Variants in STAG1 observed in about 807,000 individuals in gnomAD.
The protein encoded by STAG1 is STAG1 cohesin complex component.
In STAG1, 26 loss-of-function variants were observed where a neutral mutation model predicts 170.9. The ratio of observed to expected loss-of-function variants is 0.15; its 90% CI spans 0.11 to 0.21. The LOEUF is 0.21. Among genes scored for constraint, STAG1 ranks in the 10% least tolerant of loss-of-function variants. STAG1 has a pLI of 1.00. For synonymous variants in STAG1, 514 were observed against 497.7 expected, an observed-to-expected ratio of 1.03 and a Z score of -0.44; for missense variants, 964 against 1,509.5, an observed-to-expected ratio of 0.64 and a Z score of 5.99.
intron 14 of STAG1, among the ~76,000 whole-genome samples, chr3:136,450,917 T>C (rs2088917631): frequency 6.6e-6 from 1 of 152,124 alleles, no homozygotes; most frequent in South Asian, 2.1e-4. Context: ...CAGCTAATTT[T>C]TTTCTATTTT....
At chr3:136,400,599 T>C (rs1255355513) in intron 21 of STAG1, among the ~76,000 whole-genome samples, 1 of 151,434 alleles carries the variant, frequency 6.6e-6, no homozygotes. Flanking sequence ...GCAATGGCAC[T>C]GTCTCGGCTC....
intron 26 of STAG1, among the ~76,000 whole-genome samples, chr3:136,359,780 A>G (rs904939325): frequency 6.6e-6 from 1 of 152,222 alleles, no homozygotes; most frequent in African/African-American, 2.4e-5. Flanking sequence ...AAATGCTGGG[A>G]TTACAGGCGT....
chr3:136,558,383 C>T (rs1936707203), intron 5 of STAG1, among the ~76,000 whole-genome samples: 1 of 152,136 alleles, frequency 6.6e-6, no homozygotes, highest in Non-Finnish European at 1.5e-5. Flanking sequence ...CAGAGTAAAA[C>T]TTATGTCTCA....
At chr3:136,342,328 T>G (rs1350117512) in intron 30 of STAG1, among the ~76,000 whole-genome samples, 2 of 151,888 alleles carry the variant, frequency 1.3e-5, no homozygotes, top group Non-Finnish European at 2.9e-5. Context: ...CAGGAATTTT[T>G]TTTTTTTAAG....
intron 5 of STAG1, among the ~76,000 whole-genome samples, chr3:136,551,249 GAGAGAGAGA>G: frequency 6.8e-6 from 1 of 146,738 alleles, no homozygotes. Flanking sequence ...GAGAGAGAGA[GAGAGAGAGA>G]GAGGGAGAGC....
intron 13 of STAG1, among the ~76,000 whole-genome samples, chr3:136,464,584 G>A (rs1288609607): frequency 6.6e-6 from 1 of 152,110 alleles, no homozygotes; most frequent in Non-Finnish European, 1.5e-5. Context: ...CTAGTGTGAT[G>A]AATTATCAAT....
At chr3:136,531,822 A>G (rs894444432) in intron 6 of STAG1, among the ~76,000 whole-genome samples, 1 of 150,944 alleles carries the variant, frequency 6.6e-6, no homozygotes, top group African/African-American at 2.4e-5. Flanking sequence ...ATGATGAGTT[A>G]GTGGGTGCAG....
chr3:136,615,191 A>G (rs913017966), intron 3 of STAG1, among the ~76,000 whole-genome samples: 1 of 152,060 alleles, frequency 6.6e-6, no homozygotes, highest in African/African-American at 2.4e-5. Context: ...GGGTTCCAGA[A>G]CGAAAAAACA....
intron 1 of STAG1, among the ~76,000 whole-genome samples, chr3:136,697,346 G>C (rs1942928040): frequency 1.3e-5 from 2 of 152,208 alleles, no homozygotes; most frequent in African/African-American, 4.8e-5. Context: ...TGCATCAACT[G>C]CAAGTTGTTC....
At chr3:136,355,095 G>C (rs1277531087) in intron 28 of STAG1, among the ~76,000 whole-genome samples, 1 of 151,922 alleles carries the variant, frequency 6.6e-6, no homozygotes, top group African/African-American at 2.4e-5. Flanking sequence ...GCTCACACCT[G>C]TAATCCCAGC....
At chr3:136,720,491 T>C (rs1933177351) in intron 1 of STAG1, among the ~76,000 whole-genome samples, 1 of 152,066 alleles carries the variant, frequency 6.6e-6, no homozygotes, top group Non-Finnish European at 1.5e-5. Flanking sequence ...CAGTCACAAC[T>C]AAAATGAACC....
chr3:136,391,374 T>TC (rs1288956032), intron 22 of STAG1, among the ~76,000 whole-genome samples: 4 of 149,604 alleles, frequency 2.7e-5, no homozygotes, highest in African/African-American at 9.9e-5. Flanking sequence ...CCCTCTTTTT[T>TC]TTTTTTTTTT....
chr3:136,730,446 T>G (rs984279008), intron 1 of STAG1, among the ~76,000 whole-genome samples: 2 of 152,196 alleles, frequency 1.3e-5, no homozygotes, highest in Admixed American at 1.3e-4. Context: ...TATGTAACAT[T>G]GGGAAAAGGT....
intron 32 of STAG1, among the ~76,000 whole-genome samples, chr3:136,339,806 AG>A (rs1392667620): frequency 6.6e-6 from 1 of 152,220 alleles, no homozygotes; most frequent in Admixed American, 6.5e-5. Flanking sequence ...ATAAGTTCTT[AG>A]TATCACCTAT....
chr3:136,747,774 G>C (rs1435174511), intron 1 of STAG1, among the ~76,000 whole-genome samples: 3 of 151,226 alleles, frequency 2.0e-5, no homozygotes, highest in Non-Finnish European at 4.4e-5. Flanking sequence ...CAAGAATTAC[G>C]TAATTTTTTT....
At chr3:136,634,227 C>T (rs569431899) in intron 1 of STAG1, among the ~76,000 whole-genome samples, 1 of 151,810 alleles carries the variant, frequency 6.6e-6, no homozygotes, top group African/African-American at 2.4e-5. Context: ...TGGCACACAC[C>T]TGTGGTTCCA....
chr3:136,532,979 C>A (rs1273489957), intron 6 of STAG1, among the ~76,000 whole-genome samples: 1 of 152,122 alleles, frequency 6.6e-6, no homozygotes, highest in Non-Finnish European at 1.5e-5. Context: ...GTCAAACTGT[C>A]CCTCTCAGCA....
intron 12 of STAG1, among the ~76,000 whole-genome samples, chr3:136,465,983 C>T (rs1350110790): frequency 3.3e-5 from 5 of 152,104 alleles, no homozygotes; most frequent in Non-Finnish European, 7.4e-5. Flanking sequence ...GAAAGGACAT[C>T]CACACCAAAA....
At chr3:136,719,707 A>T (rs1933113959) in intron 1 of STAG1, among the ~76,000 whole-genome samples, 1 of 149,224 alleles carries the variant, frequency 6.7e-6, no homozygotes, top group Non-Finnish European at 1.5e-5. Flanking sequence ...GGATGGATGG[A>T]TCGATCTCAA....
Sources: gnomAD v4.1 joint callset for allele counts (sites outside exome capture counted in the v4.1 genomes callset) on GRCh38, gnomAD v4.1.1 for gene constraint, MANE v1.5 for transcripts, NCBI Gene and HGNC (gene_info 2026-07-23, HGNC 2026-07-21) for gene names.